Variants in PIEZO2 observed in about 807,000 individuals in gnomAD.
The protein encoded by PIEZO2 is piezo type mechanosensitive ion channel component 2.
Under a neutral mutation model 337.3 loss-of-function variants are expected in PIEZO2, and 172 were observed. The ratio of observed to expected loss-of-function variants is 0.51; its 90% CI spans 0.45 to 0.58. PIEZO2 has a LOEUF of 0.58. Among genes scored for constraint, PIEZO2 ranks in the 20% least tolerant of loss-of-function variants. PIEZO2 has a pLI of 0.00. For synonymous variants in PIEZO2, 1,251 were observed against 1,228.5 expected (o/e 1.02, Z -0.38); for missense variants, 3,028 against 3,391.3 (o/e 0.89, Z 2.66).
intron 8 of PIEZO2, among the ~76,000 whole-genome samples, chr18:10,806,314 T>C (rs956139858): frequency 3.9e-5 from 6 of 152,116 alleles, no homozygotes; most frequent in African/African-American, 1.4e-4. Flanking sequence ...GTCTCCTTCA[T>C]GTGTCAATAA....
intron 2 of PIEZO2, among the ~76,000 whole-genome samples, chr18:10,984,869 C>T (rs1252008580): frequency 6.6e-6 from 1 of 152,062 alleles, no homozygotes; most frequent in African/African-American, 2.4e-5. Context: ...TACAAGGTTA[C>T]CTTCAAAAGG....
chr18:10,919,854 GAC>G (rs111787556), intron 3 of PIEZO2, among the ~76,000 whole-genome samples: 18 of 151,138 alleles, frequency 1.2e-4, no homozygotes, highest in Admixed American at 1.1e-3. Flanking sequence ...GGAAAGTAGA[GAC>G]ACACACACAC....
intron 1 of PIEZO2, among the ~76,000 whole-genome samples, chr18:11,123,744 A>G (rs1297176298): frequency 6.6e-6 from 1 of 151,922 alleles, no homozygotes; most frequent in Non-Finnish European, 1.5e-5. Context: ...CGGGAGGCGG[A>G]GCTTGCAGTG....
In PIEZO2 at chr18:10,724,715, G is replaced by A. The variant is rs1327926608; in HGVS notation, c.5030-6456C>T. On this transcript the variant is annotated intron_variant, in intron 36 of 55. Coordinates refer to ENST00000674853, the MANE Select transcript of PIEZO2 (RefSeq NM_001378183.1). The surrounding 1 kb of genome is among the most constrained non-coding windows in gnomAD (Gnocchi z 5.8). The stretch of plus-strand genomic sequence containing the variant: ...CGTCATAGGCTGAAGCACTCAGACC[G>A]AGATGGGCCACCACTGTACCCCTGG... The A allele has an allele frequency of 1.4e-6, 2 of 1,406,354 alleles. No individual in the cohort carries two copies. Among genetic ancestry groups the A allele is most frequent in the African/African-American group, 1.4e-5 (1 of 70,194 alleles). 87.1% of individuals were successfully genotyped at this position (1,406,354 alleles called of 1,614,324 possible).
At chr18:10,774,151 T>C (rs539473032) in intron 18 of PIEZO2, 113 bp from the exon 19 acceptor site, 2 of 671,854 alleles carry the variant, frequency 3.0e-6, no homozygotes, top group Non-Finnish European at 5.4e-6. Context: ...TGCATTCCTG[T>C]ATGCCTGTTG....
chr18:10,785,748 G>A (rs964342942), intron 16 of PIEZO2, among the ~76,000 whole-genome samples: 3 of 152,048 alleles, frequency 2.0e-5, no homozygotes, highest in Non-Finnish European at 2.9e-5. Context: ...ACCAAATCTA[G>A]GGGAAGCTCC....
At chr18:11,089,441 C>T (rs796892887) in intron 1 of PIEZO2, among the ~76,000 whole-genome samples, 1 of 152,074 alleles carries the variant, frequency 6.6e-6, no homozygotes, top group Non-Finnish European at 1.5e-5. Flanking sequence ...GATAAGCAAC[C>T]AAGCAGTGAT....
At chr18:11,113,927 C>A (rs1272761185) in intron 1 of PIEZO2, among the ~76,000 whole-genome samples, 1 of 152,228 alleles carries the variant, frequency 6.6e-6, no homozygotes, top group Admixed American at 6.5e-5. Context: ...TTTATCACAG[C>A]ACTACCTTGA....
rs1351338723 is a variant in PIEZO2 at position 10,962,649 on chromosome 18, G to A, written c.286+16886C>T. 6.6e-6 allele frequency among the ~76,000 whole-genome samples: 1 copy of A among 152,126 alleles called. No individual in the cohort carries two copies. The highest frequency in any genetic ancestry group is 1.5e-5 in the Non-Finnish European group (1 of 68,032). ...TTTCTTTGACTTTTCCTCTTACCAA[G>A]TACAAATTACTTTCTCCATAAGCAA... On this transcript the variant is annotated intron_variant, in intron 3 of 55. Coordinates refer to ENST00000674853, the MANE Select transcript of PIEZO2 (RefSeq NM_001378183.1). This position sits in a 1 kb window ranked among gnomAD's most constrained non-coding sequence, Gnocchi z 4.1.
chr18:11,006,055 C>T (rs938570121), intron 2 of PIEZO2, among the ~76,000 whole-genome samples: 1 of 152,164 alleles, frequency 6.6e-6, no homozygotes, highest in Non-Finnish European at 1.5e-5. Context: ...ATCTTACATG[C>T]CTGTCTCTTT....
chr18:11,042,207 A>G (rs563374755), intron 2 of PIEZO2, among the ~76,000 whole-genome samples: 1 of 152,200 alleles, frequency 6.6e-6, no homozygotes, highest in Non-Finnish European at 1.5e-5. Context: ...ATCCGCCTGT[A>G]AAGATGACTT....
intron 9 of PIEZO2, among the ~76,000 whole-genome samples, chr18:10,801,949 C>G (rs7241851): frequency 0.28 from 42,359 of 151,392 alleles, 6,940 homozygotes; most frequent in Middle Eastern, 0.4. Flanking sequence ...AGCCGGGCGT[C>G]GTGGTGGGTG....
rs191368275 is a variant in PIEZO2, at chr18:11,131,939, T to C, written c.64+16586A>G. Among the ~76,000 whole-genome samples the C allele has an allele frequency of 4.5e-3, 680 of 152,176 alleles. 4 individuals are homozygous for C. The highest frequency in any genetic ancestry group is 0.015 in the African/African-American group (641 of 41,524). ...GGGGCCATGGTGGCAGGGTTGGAGG[T>C]TATACATGGGCTCAGTAACAAGGAC... On this transcript the variant is annotated intron_variant, in intron 1 of 55. Transcript: ENST00000674853. This position sits in a 1 kb window ranked among gnomAD's most constrained non-coding sequence, Gnocchi z 5.3.
At chr18:10,786,399 G>A (rs1273902891) in intron 16 of PIEZO2, among the ~76,000 whole-genome samples, 1 of 152,230 alleles carries the variant, frequency 6.6e-6, no homozygotes, top group Non-Finnish European at 1.5e-5. Context: ...CTTCAGCTGT[G>A]TTGGTGTAGT....
At chr18:10,711,254 G>T (rs1005758879) in intron 39 of PIEZO2, among the ~76,000 whole-genome samples, 1 of 152,102 alleles carries the variant, frequency 6.6e-6, no homozygotes, top group African/African-American at 2.4e-5. Context: ...ACTGTTCATT[G>T]TTATGTAGTT....
At position 10,807,027 on chromosome 18, in the gene PIEZO2, T is replaced by C. The variant is rs2040021947; in HGVS notation, c.1080+85A>G. 2.3e-6 allele frequency: 3 copies of C among 1,322,914 alleles called. No individual in the cohort carries two copies. The Admixed American group carries it at 6.9e-5, about 31-fold the overall frequency. 81.9% of individuals were successfully genotyped at this position (1,322,914 alleles called of 1,614,324 possible). A position where few individuals can be genotyped will look rare whatever the true frequency, so the allele number is the denominator to read the frequency against. On this transcript the variant is annotated intron_variant, in intron 8 of 55. Coordinates refer to ENST00000674853, the MANE Select transcript of PIEZO2 (RefSeq NM_001378183.1). Reference sequence around the variant, plus strand: ...TGTGTTGGAATAGAGTATCGATTAGTCAGTAGAGAACAGGAGTGAATCATT... The same window carrying C: ...TGTGTTGGAATAGAGTATCGATTAGCCAGTAGAGAACAGGAGTGAATCATT...
chr18:10,731,068 T>A (rs2036749832), intron 36 of PIEZO2, among the ~76,000 whole-genome samples: 1 of 151,904 alleles, frequency 6.6e-6, no homozygotes, highest in Middle Eastern at 3.4e-3. Flanking sequence ...TCAGGTCATG[T>A]CCTGTAGTAT....
Position 10,993,748 on chromosome 18 carries a change from C to T in PIEZO2, c.161-14088G>A, listed in dbSNP as rs141050676. Among the ~76,000 whole-genome samples the T allele has an allele frequency of 2.0e-5, 3 of 152,084 alleles. No homozygotes were observed. The highest frequency in any genetic ancestry group is 6.5e-5 in the Admixed American group (1 of 15,282). On this transcript the variant is annotated intron_variant, in intron 2 of 55. Transcript: ENST00000674853. The surrounding 1 kb of genome is among the most constrained non-coding windows in gnomAD (Gnocchi z 5.0). ...TTCACCATGTTAGCCAGGATGGTCT[C>T]GATCTCCTGACTTCGTGATCTGCCC...
chr18:10,917,083 T>C (rs2031035753), intron 3 of PIEZO2, among the ~76,000 whole-genome samples: 1 of 151,956 alleles, frequency 6.6e-6, no homozygotes, highest in Non-Finnish European at 1.5e-5. Flanking sequence ...TGTTTAACAC[T>C]CCCCAAGTAC....
Sources: gnomAD v4.1 joint callset for allele counts (sites outside exome capture counted in the v4.1 genomes callset) on GRCh38, gnomAD v4.1.1 for gene constraint, Gnocchi (gnomAD v3.1) non-coding constraint, MANE v1.5 for transcripts, NCBI Gene and HGNC (gene_info 2026-07-23, HGNC 2026-07-21) for gene names.